Variants in KCNIP1 observed in about 807,000 individuals in gnomAD.
KCNIP1 encodes potassium voltage-gated channel interacting protein 1, also known as A-type potassium channel modulatory protein KCNIP1.
Under a neutral mutation model 33.0 loss-of-function variants are expected in KCNIP1, and 18 were observed. The observed-to-expected ratio is 0.55, with a 90% CI of 0.38 to 0.81. The LOEUF (loss-of-function observed/expected upper bound fraction) is 0.81. Ranked by LOEUF, KCNIP1 falls within the 30% of genes least tolerant of loss-of-function variation. The pLI, the probability that KCNIP1 is intolerant of heterozygous loss-of-function variation, is 0.00. For synonymous variants in KCNIP1, 93 were observed against 98.3 expected, an observed-to-expected ratio of 0.95 and a Z score of 0.32; for missense variants, 238 against 271.6, an observed-to-expected ratio of 0.88 and a Z score of 0.87.
intron 1 of KCNIP1, among the ~76,000 whole-genome samples, chr5:170,624,729 A>C (rs368343099): frequency 4.5e-5 from 2 of 44,926 alleles, no homozygotes; most frequent in Non-Finnish European, 4.5e-5. Context: ...GAGACCGGGG[A>C]GGTGGGGGGG....
chr5:170,361,031 A>T (rs908852221), intron 1 of KCNIP1, among the ~76,000 whole-genome samples: 2 of 152,218 alleles, frequency 1.3e-5, no homozygotes, highest in Admixed American at 1.3e-4. Context: ...GACAAGGGTC[A>T]GTGCAAACAA....
chr5:170,587,937 G>A (rs1159356723), intron 1 of KCNIP1, among the ~76,000 whole-genome samples: 2 of 152,240 alleles, frequency 1.3e-5, no homozygotes, highest in Admixed American at 1.3e-4. Flanking sequence ...CTCAGTGCTT[G>A]GCACAGTAGA....
At chr5:170,473,405 A>C (rs1756780829) in intron 1 of KCNIP1, among the ~76,000 whole-genome samples, 1 of 152,210 alleles carries the variant, frequency 6.6e-6, no homozygotes, top group Non-Finnish European at 1.5e-5. Context: ...ACTGAGGCAT[A>C]GGGAGGCAAA....
At chr5:170,712,830 A>T in intron 1 of KCNIP1, 1 of 1,613,094 alleles carries the variant, frequency 6.2e-7, no homozygotes, top group Non-Finnish European at 8.5e-7. Flanking sequence ...CGATTTGGTA[A>T]AATGTTTTCT....
At chr5:170,495,326 C>T (rs1345987302) in intron 1 of KCNIP1, among the ~76,000 whole-genome samples, 1 of 152,194 alleles carries the variant, frequency 6.6e-6, no homozygotes, top group Non-Finnish European at 1.5e-5. Context: ...TTTCCTGGAC[C>T]GCACCACTGT....
chr5:170,386,804 G>T (rs774502060), intron 1 of KCNIP1, among the ~76,000 whole-genome samples: 2 of 152,152 alleles, frequency 1.3e-5, no homozygotes, highest in Admixed American at 1.3e-4. Context: ...CTGGGACAAA[G>T]CAGAATGGGC....
At chr5:170,427,749 C>T (rs1180031223) in intron 1 of KCNIP1, among the ~76,000 whole-genome samples, 1 of 152,144 alleles carries the variant, frequency 6.6e-6, no homozygotes, top group African/African-American at 2.4e-5. Flanking sequence ...AGAAGCTGCT[C>T]CCACCCCTTC....
intron 1 of KCNIP1, among the ~76,000 whole-genome samples, chr5:170,360,619 A>G (rs4867600): frequency 0.18 from 27,518 of 152,144 alleles, 2,602 homozygotes; most frequent in African/African-American, 0.23. Flanking sequence ...ATGTGCTGCT[A>G]TTTCAAAATT....
chr5:170,546,726 A>C (rs1236448427), intron 1 of KCNIP1, among the ~76,000 whole-genome samples: 1 of 152,060 alleles, frequency 6.6e-6, no homozygotes, highest in Non-Finnish European at 1.5e-5. Flanking sequence ...AGCCTGCCAC[A>C]ATCTACTACA....
chr5:170,696,293 A>G (rs530200138), intron 1 of KCNIP1, among the ~76,000 whole-genome samples: 1 of 152,136 alleles, frequency 6.6e-6, no homozygotes. Context: ...TGAACAGAGG[A>G]TGGGCCTGAC....
chr5:170,439,376 G>T (rs1423445384), intron 1 of KCNIP1, among the ~76,000 whole-genome samples: 3 of 152,248 alleles, frequency 2.0e-5, no homozygotes, highest in Non-Finnish European at 2.9e-5. Context: ...GCACAAGTGA[G>T]GAACAAGGGC....
chr5:170,408,162 G>A (rs549506569), intron 1 of KCNIP1, among the ~76,000 whole-genome samples: 2 of 152,318 alleles, frequency 1.3e-5, no homozygotes, highest in South Asian at 4.1e-4. Flanking sequence ...AAATCCCACA[G>A]TAGTCAATAG....
chr5:170,481,391 C>T (rs1367392686), intron 1 of KCNIP1, among the ~76,000 whole-genome samples: 2 of 145,814 alleles, frequency 1.4e-5, no homozygotes, highest in African/African-American at 2.5e-5. Flanking sequence ...ATTAGTACTA[C>T]TCCTGCTGCT....
chr5:170,430,225 G>C (rs1426047698), intron 1 of KCNIP1, among the ~76,000 whole-genome samples: 2 of 152,184 alleles, frequency 1.3e-5, no homozygotes, highest in Non-Finnish European at 2.9e-5. Flanking sequence ...GACCCAATAG[G>C]GGCTTTTCAT....
intron 1 of KCNIP1, among the ~76,000 whole-genome samples, chr5:170,522,593 A>G (rs1755403035): frequency 6.6e-6 from 1 of 152,236 alleles, no homozygotes; most frequent in Non-Finnish European, 1.5e-5. Flanking sequence ...GCTCACTGCC[A>G]GAGGCTGGGG....
At chr5:170,500,255 G>T (rs892126749), upstream of KCNIP1, among the ~76,000 whole-genome samples, 3 of 152,114 alleles carry the variant, frequency 2.0e-5, no homozygotes, top group African/African-American at 7.2e-5. Flanking sequence ...TTCCTTAGAG[G>T]TCCCTTCTTC....
At chr5:170,446,826 C>T (rs576781649) in intron 1 of KCNIP1, among the ~76,000 whole-genome samples, 25 of 152,302 alleles carry the variant, frequency 1.6e-4, no homozygotes, top group African/African-American at 4.8e-4. Context: ...GTCCCCAGCA[C>T]TCTACTAAAT....
intron 1 of KCNIP1, among the ~76,000 whole-genome samples, chr5:170,549,138 G>GA (rs141939348): frequency 1.5e-4 from 23 of 152,068 alleles, no homozygotes; most frequent in East Asian, 1.4e-3. Context: ...TTACTCTAAT[G>GA]AAAAAAAATC....
intron 1 of KCNIP1, among the ~76,000 whole-genome samples, chr5:170,505,252 G>A (rs1455490375): frequency 1.3e-5 from 2 of 152,164 alleles, no homozygotes; most frequent in African/African-American, 4.8e-5. Context: ...GCATAATATC[G>A]TGGAGTCTCT....
Sources: allele counts gnomAD v4.1 joint callset (sites outside exome capture counted in the v4.1 genomes callset), GRCh38; gene constraint gnomAD v4.1.1; transcripts MANE v1.5; gene names NCBI Gene and HGNC (gene_info 2026-07-23, HGNC 2026-07-21).